PRDM10: variants seen among roughly 807,000 people sequenced by gnomAD.
PRDM10 encodes the protein PR domain zinc finger protein 10.
In PRDM10, 65 loss-of-function variants were observed where a neutral mutation model predicts 133.1. That is an observed-to-expected ratio of 0.49 (90% confidence interval 0.40 to 0.60). The LOEUF (loss-of-function observed/expected upper bound fraction) is 0.60, where lower values mean the gene tolerates loss of function less well. Among genes scored for constraint, PRDM10 ranks in the 20% least tolerant of loss-of-function variants. The pLI is 0.00. For synonymous variants in PRDM10, 582 were observed against 580.4 expected (o/e 1.00, Z -0.04); for missense variants, 1,137 against 1,507.1 (o/e 0.75, Z 4.07).
intron 1 of PRDM10, among the ~76,000 whole-genome samples, chr11:129,999,488 G>C (rs959791712): frequency 6.6e-6 from 1 of 152,162 alleles, no homozygotes; most frequent in Non-Finnish European, 1.5e-5. Context: ...ACACTATCTG[G>C]GGTGGGATGT....
chr11:129,927,176 C>CAA (rs57015735), intron 11 of PRDM10, among the ~76,000 whole-genome samples: 12 of 79,374 alleles, frequency 1.5e-4, no homozygotes, highest in Non-Finnish European at 2.8e-4. Context: ...GACTCTGTCT[C>CAA]AAAAAAAAAA....
chr11:129,999,907 T>C (rs1047623447), intron 1 of PRDM10, among the ~76,000 whole-genome samples: 2 of 152,188 alleles, frequency 1.3e-5, no homozygotes, highest in African/African-American at 4.8e-5. Context: ...TTTTAAAAAC[T>C]AGATATTAAA....
chr11:129,935,317 CAA>C (rs760143983), intron 8 of PRDM10, 99 bp from the exon 9 acceptor site: 73 of 861,908 alleles, frequency 8.5e-5, no homozygotes, highest in Non-Finnish European at 1.4e-4. Flanking sequence ...TGCTGCAGCC[CAA>C]AGAGTTCATA....
Position 129,947,124 on chromosome 11 carries a change from G to T in PRDM10, c.520+21C>A. 1 of 1,612,042 alleles carries T rather than the reference G, an allele frequency of 6.2e-7. No homozygotes were observed. Among genetic ancestry groups the T allele is most frequent in the East Asian group, 2.2e-5 (1 of 44,850 alleles). Reference sequence around the variant, plus strand: ...CAAGATGGACACAGCTTCCCTGGGGGAGACCCGTGCCCACACTTACACAAG... The same window carrying T: ...CAAGATGGACACAGCTTCCCTGGGGTAGACCCGTGCCCACACTTACACAAG... On this transcript the variant is annotated intron_variant, in intron 5 of 20. Transcript: ENST00000360871. The surrounding 1 kb of genome is among the most constrained non-coding windows in gnomAD (Gnocchi z 4.6).
intron 17 of PRDM10, 46 bp downstream of exon 17, chr11:129,914,658 G>GC (rs1342574446): frequency 6.2e-7 from 1 of 1,605,898 alleles, no homozygotes. Flanking sequence ...GGTGCTAGTG[G>GC]CAACACGGCA....
rs374758635 is a variant in PRDM10, at chr11:129,988,765, A to G, written c.-119+13957T>C. Among the ~76,000 whole-genome samples, 13 of 151,786 alleles carry G rather than the reference A, an allele frequency of 8.6e-5. No individual in the cohort carries two copies. In the East Asian group the frequency reaches 1.6e-3, roughly 18 times the overall value. On this transcript the variant is annotated intron_variant, in intron 1 of 20. Transcript: ENST00000360871. ...CTGCCTCAGCCTCCCGAGTAGCTGG[A>G]ACTACAGGCGTCCGCCACCACACCC... is the stretch of plus-strand genomic sequence containing the variant.
In PRDM10 at chr11:129,937,611, C is replaced by T. The variant is rs146623528; in HGVS notation, c.1026G>A (p.Glu342=). Reference sequence around the variant, plus strand: ...ACGTCTAACCACCTTTCCTTTCTTCCTCAGAAATGTCATGAATTTTCTGGT... The same window carrying T: ...ACGTCTAACCACCTTTCCTTTCTTCTTCAGAAATGTCATGAATTTTCTGGT... ...FVNQKIHDIS[E]EERKVLREQE... Residue 342 remains glutamate, a synonymous_variant, in exon 8 of 21, where the codon GAG becomes GAA. Coordinates refer to ENST00000360871, the MANE Select transcript of PRDM10 (RefSeq NM_199437.2). 640 of 1,613,348 alleles carry T rather than the reference C, an allele frequency of 4.0e-4. 3 individuals carry two copies. Among genetic ancestry groups the T allele is most frequent in the Middle Eastern group, 3.1e-3 (19 of 6,060 alleles).
At position 129,905,887 on chromosome 11, in the gene PRDM10, G is replaced by C. The variant is rs529963203; in HGVS notation, c.3164-146C>G. 63 of 710,572 alleles carry C rather than the reference G, an allele frequency of 8.9e-5. No homozygotes were observed. In the African/African-American group the frequency reaches 1.1e-3, roughly 12 times the overall value. The allele number at this position is 710,572 out of a possible 1,614,324, so 44.0% of individuals were successfully genotyped here. On this transcript the variant is annotated intron_variant, in intron 19 of 20. Coordinates refer to ENST00000360871, the MANE Select transcript of PRDM10 (RefSeq NM_199437.2). ...GATGTGATTTCTTGGTGCCGTGAAA[G>C]CATCTCTGCTACGAATTGAGAAGAG...
chr11:129,971,893 G>A (rs1591678204), intron 1 of PRDM10, among the ~76,000 whole-genome samples: 2 of 152,240 alleles, frequency 1.3e-5, no homozygotes, highest in African/African-American at 4.8e-5. Flanking sequence ...GGCGGCGCTC[G>A]TCGGGGAGGC....
intron 1 of PRDM10, among the ~76,000 whole-genome samples, chr11:129,976,395 C>T (rs12281789): frequency 0.19 from 28,831 of 152,068 alleles, 4,337 homozygotes; most frequent in East Asian, 0.46. Context: ...ATCAGAGGGA[C>T]GGGATGTGAG....
In PRDM10 at chr11:129,915,711, G is replaced by A. The variant is rs3734072; in HGVS notation, c.2475C>T (p.Ile825=). ...LSTHTQLTGT[I]ATPPVCCPHC... ...GGGGACAGCAGACGGGAGGGGTGGC[G>A]ATGGTGCCCGTCAGCTGGGTGTGTG... The change falls in exon 16 of 21, where the codon ATC becomes ATT. Residue 825 remains isoleucine, a synonymous_variant. Transcript: ENST00000360871. The A allele has an allele frequency of 7.8e-5, 126 of 1,613,922 alleles. 1 individual carries two copies. The East Asian group carries it at 2.6e-3, about 33-fold the overall frequency.
Position 129,918,348 on chromosome 11 carries a change from A to G in PRDM10, c.2214+191T>C, listed in dbSNP as rs903702917. 6.6e-6 allele frequency among the ~76,000 whole-genome samples: 1 copy of G among 152,198 alleles called. No homozygotes were observed. Among genetic ancestry groups the G allele is most frequent in the African/African-American group, 2.4e-5 (1 of 41,450 alleles). ...AAGAATTGATCCAAAAAGCAGCAAG[A>G]GAGAGCAAAGGGAGACTAGAAAAGA... is the stretch of plus-strand genomic sequence containing the variant. On this transcript the variant is annotated intron_variant, in intron 14 of 20. Transcript: ENST00000360871. This position sits in a 1 kb window ranked among gnomAD's most constrained non-coding sequence, Gnocchi z 5.3.
intron 6 of PRDM10, among the ~76,000 whole-genome samples, chr11:129,943,786 A>G (rs1951295521): frequency 6.6e-6 from 1 of 152,076 alleles, no homozygotes; most frequent in Admixed American, 6.5e-5. Flanking sequence ...CGAGGTCAAG[A>G]GATCAAGACC....
chr11:129,998,527 T>C (rs898010146), intron 1 of PRDM10, among the ~76,000 whole-genome samples: 4 of 152,232 alleles, frequency 2.6e-5, no homozygotes, highest in South Asian at 2.1e-4. Flanking sequence ...TCTAAACTAT[T>C]GTGCACTATT....
chr11:129,908,378 G>A (rs1052801873), intron 19 of PRDM10, among the ~76,000 whole-genome samples: 2 of 133,718 alleles, frequency 1.5e-5, no homozygotes, highest in Non-Finnish European at 3.1e-5. Flanking sequence ...GGAGGTCAAA[G>A]TGGGTGGATC....
intron 4 of PRDM10, among the ~76,000 whole-genome samples, chr11:129,948,438 C>A (rs556581135): frequency 1.6e-4 from 24 of 152,330 alleles, no homozygotes; most frequent in African/African-American, 5.8e-4. Context: ...TCCCAGTGAA[C>A]CGCCTTTGAT....
At chr11:129,913,878 G>T (rs1390938598) in intron 17 of PRDM10, among the ~76,000 whole-genome samples, 1 of 152,214 alleles carries the variant, frequency 6.6e-6, no homozygotes, top group Non-Finnish European at 1.5e-5. Flanking sequence ...GTAATTAAAT[G>T]AAACAATAGT....
chr11:129,932,084 C>A lies in PRDM10; in HGVS notation c.1287+18G>T. 6.2e-7 allele frequency: 1 copy of A among 1,609,752 alleles called. No homozygotes were observed. The highest frequency in any genetic ancestry group is 8.5e-7 in the Non-Finnish European group (1 of 1,176,926). On this transcript the variant is annotated intron_variant, in intron 10 of 20. Coordinates refer to ENST00000360871, the MANE Select transcript of PRDM10 (RefSeq NM_199437.2). ...CCACACAAGCACCTAAGGAGGGCTC[C>A]TTCCCGTCCCCCCGTACCTGTGTCC...
chr11:129,956,320 C>T (rs1197446241), intron 3 of PRDM10, among the ~76,000 whole-genome samples: 1 of 152,202 alleles, frequency 6.6e-6, no homozygotes, highest in African/African-American at 2.4e-5. Context: ...GTAATCCCAG[C>T]ACTTTGGGAG....
Sources: allele counts gnomAD v4.1 joint callset (sites outside exome capture counted in the v4.1 genomes callset), GRCh38; gene constraint gnomAD v4.1.1; non-coding constraint Gnocchi (gnomAD v3.1); transcripts MANE v1.5; gene names NCBI Gene and HGNC (gene_info 2026-07-23, HGNC 2026-07-21).